ADGRL3: variants seen among roughly 807,000 people sequenced by gnomAD.
ADGRL3 encodes the protein adhesion G protein-coupled receptor L3, also known as calcium-independent alpha-latrotoxin receptor 3.
Under a neutral mutation model 153.5 loss-of-function variants are expected in ADGRL3, and 62 were observed. The observed-to-expected ratio is 0.40, with a 90% CI of 0.33 to 0.50. The LOEUF (loss-of-function observed/expected upper bound fraction) is 0.50. Ranked by LOEUF, ADGRL3 falls within the 20% of genes least tolerant of loss-of-function variation. ADGRL3 has a pLI of 0.47. For synonymous variants in ADGRL3, 710 were observed against 672.5 expected, an observed-to-expected ratio of 1.06 and a Z score of -0.86; for missense variants, 1,641 against 1,859.4, an observed-to-expected ratio of 0.88 and a Z score of 2.16.
chr4:61,245,975 CT>C (rs1248632089), intron 1 of ADGRL3, among the ~76,000 whole-genome samples: 1 of 152,024 alleles, frequency 6.6e-6, no homozygotes, highest in Admixed American at 6.6e-5. Flanking sequence ...TGAGTCCCCC[CT>C]GCCACAGTTT....
rs948615939 is a variant in ADGRL3 at position 61,743,578 on chromosome 4, A to G, written c.1399+10024A>G. ...TTTTTAAAACATGGCAAATCTTTCAATATCTACGATAATTTGGCTGTTAGC... is the reference window on the plus strand; with the variant it reads ...TTTTTAAAACATGGCAAATCTTTCAGTATCTACGATAATTTGGCTGTTAGC... On this transcript the variant is annotated intron_variant, in intron 8 of 26. Transcript: ENST00000683033. Among the ~76,000 whole-genome samples the G allele has an allele frequency of 4.6e-5, 7 of 152,348 alleles. No homozygotes were observed. The East Asian group carries it at 1.4e-3, about 29-fold the overall frequency.
At chr4:61,542,525 T>A (rs1306215059) in intron 4 of ADGRL3, among the ~76,000 whole-genome samples, 2 of 152,204 alleles carry the variant, frequency 1.3e-5, no homozygotes, top group Non-Finnish European at 2.9e-5. Flanking sequence ...GCATGTATTT[T>A]CTCGTTTTAT....
At chr4:61,887,031 A>G in intron 9 of ADGRL3, among the ~76,000 whole-genome samples, 1 of 149,954 alleles carries the variant, frequency 6.7e-6, no homozygotes, top group Non-Finnish European at 1.5e-5. Flanking sequence ...TTATTTATTT[A>G]TTTTTTTATT....
intron 5 of ADGRL3, among the ~76,000 whole-genome samples, chr4:61,663,351 T>C (rs1229374378): frequency 6.6e-6 from 1 of 152,174 alleles, no homozygotes; most frequent in Admixed American, 6.5e-5. Flanking sequence ...CATTCTCCAA[T>C]GCCAGCCGTA....
chr4:61,987,186 A>G (rs941748175), intron 19 of ADGRL3, among the ~76,000 whole-genome samples: 2 of 145,280 alleles, frequency 1.4e-5, no homozygotes, highest in African/African-American at 5.2e-5. Flanking sequence ...TATTTTTGAG[A>G]TGGAGTTTCA....
chr4:61,697,877 G>GA (rs985428257), intron 6 of ADGRL3, among the ~76,000 whole-genome samples: 21 of 152,170 alleles, frequency 1.4e-4, no homozygotes, highest in African/African-American at 4.3e-4. Context: ...CACTTAACCA[G>GA]AAAAAAATTC....
intron 5 of ADGRL3, 113 bp downstream of exon 5, chr4:61,587,553 C>G (rs983082598): frequency 6.3e-6 from 5 of 797,404 alleles, no homozygotes; most frequent in Non-Finnish European, 9.6e-6. Flanking sequence ...TAGGACACTT[C>G]AAAATAGTTT....
intron 21 of ADGRL3, among the ~76,000 whole-genome samples, chr4:62,011,931 A>T (rs2099188384): frequency 6.6e-6 from 1 of 152,094 alleles, no homozygotes; most frequent in Admixed American, 6.6e-5. Flanking sequence ...CCAGCTAGGA[A>T]TACATTTTTT....
At position 61,567,461 on chromosome 4, in the gene ADGRL3, G is replaced by A. The variant is rs575423554; in HGVS notation, c.260-19766G>A. ...GTTGGATTAGTGTCCTTATAAAAAA[G>A]GCCTCAGAGAGCTGACTTGCCCCTT... On this transcript the variant is annotated intron_variant, in intron 4 of 26. Transcript: ENST00000683033. 3.3e-5 allele frequency among the ~76,000 whole-genome samples: 5 copies of A among 152,266 alleles called. No individual in the cohort carries two copies. In the East Asian group the frequency reaches 9.6e-4, roughly 29 times the overall value.
intron 20 of ADGRL3, among the ~76,000 whole-genome samples, chr4:61,996,855 A>C (rs1025278945): frequency 6.6e-6 from 1 of 152,172 alleles, no homozygotes; most frequent in African/African-American, 2.4e-5. Context: ...TTAAGCCTGC[A>C]TTCTGGAATC....
At chr4:61,950,792 A>C (rs1226997075) in intron 17 of ADGRL3, among the ~76,000 whole-genome samples, 2 of 152,206 alleles carry the variant, frequency 1.3e-5, no homozygotes, top group African/African-American at 4.8e-5. Context: ...CTTGGAGTCA[A>C]AGGAGGTTGT....
intron 5 of ADGRL3, among the ~76,000 whole-genome samples, chr4:61,610,282 C>A (rs1489081041): frequency 6.6e-6 from 1 of 151,940 alleles, no homozygotes; most frequent in Non-Finnish European, 1.5e-5. Context: ...ATTCCTGTAA[C>A]CCATTCTTAA....
At position 62,033,633 on chromosome 4, in the gene ADGRL3, G is replaced by T. The variant is rs186491267; in HGVS notation, c.3591+2023G>T. Among the ~76,000 whole-genome samples, 39 of 151,728 alleles carry T rather than the reference G, an allele frequency of 2.6e-4. 1 individual carries two copies. The highest frequency in any genetic ancestry group is 9.4e-4 in the African/African-American group (39 of 41,502). On this transcript the variant is annotated intron_variant, in intron 23 of 26. Coordinates refer to ENST00000683033, the MANE Select transcript of ADGRL3 (RefSeq NM_001387552.1). Reference sequence around the variant, plus strand: ...CAAGAGAAATAGATGCAAAAAATGTGAGCAAAATCAGGAGATTAAGGAAAA... The same window carrying T: ...CAAGAGAAATAGATGCAAAAAATGTTAGCAAAATCAGGAGATTAAGGAAAA...
At chr4:61,355,013 G>A (rs1318770946) in intron 1 of ADGRL3, among the ~76,000 whole-genome samples, 1 of 152,024 alleles carries the variant, frequency 6.6e-6, no homozygotes, top group Non-Finnish European at 1.5e-5. Flanking sequence ...GTCCTTTACT[G>A]AGGTCCTTAA....
At chr4:61,277,618 G>T (rs2149913298) in intron 1 of ADGRL3, among the ~76,000 whole-genome samples, 1 of 152,152 alleles carries the variant, frequency 6.6e-6, no homozygotes, top group South Asian at 2.1e-4. Flanking sequence ...TTGAATAGGA[G>T]TCTAAAGATC....
chr4:61,473,628 G>A (rs559627199), intron 2 of ADGRL3, among the ~76,000 whole-genome samples: 28 of 151,924 alleles, frequency 1.8e-4, no homozygotes, highest in Non-Finnish European at 3.7e-4. Context: ...ACCAAAACAT[G>A]TATAGAGTTT....
At chr4:61,866,524 G>C (rs574888779) in intron 9 of ADGRL3, among the ~76,000 whole-genome samples, 11 of 152,196 alleles carry the variant, frequency 7.2e-5, no homozygotes, top group Admixed American at 7.2e-4. Context: ...GCCTGTCCTC[G>C]GCATTATATT....
chr4:61,460,854 A>G (rs2097803700), intron 2 of ADGRL3, among the ~76,000 whole-genome samples: 1 of 152,116 alleles, frequency 6.6e-6, no homozygotes, highest in African/African-American at 2.4e-5. Context: ...AGATCACCTG[A>G]GATCAGAAGT....
At chr4:61,912,966 C>T (rs1581431069) in intron 13 of ADGRL3, among the ~76,000 whole-genome samples, 2 of 152,196 alleles carry the variant, frequency 1.3e-5, no homozygotes, top group Non-Finnish European at 2.9e-5. Flanking sequence ...GAAGGAGGTG[C>T]AACTTGAGGT....
Sources: gnomAD v4.1 joint callset for allele counts (sites outside exome capture counted in the v4.1 genomes callset) on GRCh38, gnomAD v4.1.1 for gene constraint, MANE v1.5 for transcripts, NCBI Gene and HGNC (gene_info 2026-07-23, HGNC 2026-07-21) for gene names.